The following ANKRD30B variants were observed in gnomAD, a reference collection of about 807,000 sequenced individuals.
ANKRD30B encodes ankyrin repeat domain-containing protein 30B.
In ANKRD30B, 144 loss-of-function variants were observed where a neutral mutation model predicts 202.2. The ratio of observed to expected loss-of-function variants is 0.71; its 90% CI spans 0.62 to 0.82. The LOEUF is 0.82. Among genes scored for constraint, ANKRD30B ranks in the 40% least tolerant of loss-of-function variants. The probability of loss-of-function intolerance (pLI) is 0.00; values close to 1 mark genes in which losing one functional copy is unlikely to be tolerated. For missense variants in ANKRD30B, 1,487 were observed against 1,669.1 expected, an observed-to-expected ratio of 0.89 and a Z score of 1.90; for synonymous variants, 508 against 561.3, an observed-to-expected ratio of 0.91 and a Z score of 1.34.
the ANKRD30B span, among the ~76,000 whole-genome samples, chr18:14,936,392 A>C: frequency 1.4e-4 from 21 of 151,494 alleles, no homozygotes; most frequent in East Asian, 7.8e-4. Flanking sequence ...TTGCTTCCTT[A>C]CTTCCTTCCT....
chr18:14,778,364 G>A (rs1967511884), intron 10 of ANKRD30B, among the ~76,000 whole-genome samples: 1 of 152,168 alleles, frequency 6.6e-6, no homozygotes, highest in Non-Finnish European at 1.5e-5. Flanking sequence ...AGTACATGAG[G>A]CAACAAGAAA....
chr18:14,896,463 T>C, the ANKRD30B span, among the ~76,000 whole-genome samples: 1 of 151,554 alleles, frequency 6.6e-6, no homozygotes, highest in Non-Finnish European at 1.5e-5. Flanking sequence ...AATCTAAAAA[T>C]GTTCTAAAAT....
intron 39 of ANKRD30B, among the ~76,000 whole-genome samples, chr18:14,847,050 T>TTATATGTA (rs1421555010): frequency 1.8e-5 from 2 of 111,122 alleles, no homozygotes; most frequent in African/African-American, 6.4e-5. Flanking sequence ...TGATTTAGTT[T>TTATATGTA]TATATATATA....
At position 14,852,534 on chromosome 18, in the gene ANKRD30B, C is replaced by CTA. The variant is rs1971937143; in HGVS notation, c.4476+118_4476+119dup. 10 of 1,284,816 alleles carry CTA rather than the reference C, an allele frequency of 7.8e-6. 1 individual carries two copies. Among genetic ancestry groups the CTA allele is most frequent in the African/African-American group, 6.1e-5 (4 of 65,898 alleles). The allele number at this position is 1,284,816 out of a possible 1,614,324, so 79.6% of individuals were successfully genotyped here. A position where few individuals can be genotyped will look rare whatever the true frequency, so the allele number is the denominator to read the frequency against. On this transcript the variant is annotated intron_variant, in intron 42 of 43. Coordinates refer to ENST00000690538, the MANE Select transcript of ANKRD30B (RefSeq NM_001367607.2). ...TATAAATAGATGATAAATGTACTTACTATATCAGCTTAGAAACATGCCTCA... is the reference window on the plus strand; with the variant it reads ...TATAAATAGATGATAAATGTACTTACTATATATCAGCTTAGAAACATGCCTCA...
chr18:14,929,320 C>G, the ANKRD30B span, among the ~76,000 whole-genome samples: 3 of 152,134 alleles, frequency 2.0e-5, no homozygotes, highest in East Asian at 5.8e-4. Context: ...CCCTGACACC[C>G]CTGAGAATTT....
chr18:14,876,951 CTCA>C, the ANKRD30B span, among the ~76,000 whole-genome samples: 1 of 133,034 alleles, frequency 7.5e-6, no homozygotes. Context: ...GCATTCTATT[CTCA>C]AGGTTGCTTT....
At chr18:14,826,725 AC>A (rs1970684697) in intron 32 of ANKRD30B, among the ~76,000 whole-genome samples, 1 of 150,804 alleles carries the variant, frequency 6.6e-6, no homozygotes, top group Non-Finnish European at 1.5e-5. Flanking sequence ...ACACACACAC[AC>A]AAGTACAGTA....
intron 7 of ANKRD30B, among the ~76,000 whole-genome samples, chr18:14,767,334 T>TA (rs1237097264): frequency 6.6e-6 from 1 of 152,200 alleles, no homozygotes; most frequent in Non-Finnish European, 1.5e-5. Context: ...AAACCCTATA[T>TA]ATACATGTTT....
chr18:14,831,457 T>A lies in ANKRD30B; in HGVS notation c.2847+2T>A, dbSNP rs1970935269. ...GAAGACTTTAATCTTACTACCAAGG[T>A]AAAATAGTCTCTTGTTAAATTGATT... On this transcript the variant is annotated splice_donor_variant, in intron 34 of 43. Transcript: ENST00000690538. LOFTEE classifies it high-confidence loss of function. The A allele has an allele frequency of 1.4e-6, 2 of 1,481,380 alleles. No homozygotes were observed. Among genetic ancestry groups the A allele is most frequent in the African/African-American group, 1.4e-5 (1 of 70,444 alleles). The allele number at this position is 1,481,380 out of a possible 1,614,324, so 91.8% of individuals were successfully genotyped here. A position where few individuals can be genotyped will look rare whatever the true frequency, so the allele number is the denominator to read the frequency against.
chr18:14,783,539 A>G (rs1967884991), intron 12 of ANKRD30B, among the ~76,000 whole-genome samples: 1 of 152,140 alleles, frequency 6.6e-6, no homozygotes, highest in Non-Finnish European at 1.5e-5. Context: ...TAGACTAATG[A>G]TACACCAAAT....
the ANKRD30B span, among the ~76,000 whole-genome samples, chr18:14,898,899 C>A: frequency 6.6e-6 from 1 of 152,180 alleles, no homozygotes; most frequent in Non-Finnish European, 1.5e-5. Flanking sequence ...TTGGCCCTTT[C>A]TCATACAGTA....
chr18:14,833,593 G>A (rs1234261908), intron 34 of ANKRD30B, among the ~76,000 whole-genome samples: 1 of 152,122 alleles, frequency 6.6e-6, no homozygotes, highest in Non-Finnish European at 1.5e-5. Flanking sequence ...TCTGTAGTAA[G>A]AATATTCTCG....
chr18:14,795,689 AATG>A lies in ANKRD30B; in HGVS notation c.1826-529_1826-527del, dbSNP rs1213877176. Among the ~76,000 whole-genome samples the A allele has an allele frequency of 7.9e-5, 12 of 152,312 alleles. 1 individual carries two copies. In the East Asian group the frequency reaches 2.3e-3, roughly 29 times the overall value. ...CTGATAAATTTAGAACATCCTCTGC[AATG>A]ATAAGTAAATTGTACCTTTGAATTC... On this transcript the variant is annotated intron_variant, in intron 16 of 43. Coordinates refer to ENST00000690538, the MANE Select transcript of ANKRD30B (RefSeq NM_001367607.2).
chr18:14,868,807 G>T, the ANKRD30B span, among the ~76,000 whole-genome samples: 4 of 152,284 alleles, frequency 2.6e-5, no homozygotes, highest in African/African-American at 9.6e-5. Context: ...TCTCCGGCAG[G>T]CTGATTGCTG....
intron 16 of ANKRD30B, among the ~76,000 whole-genome samples, chr18:14,792,069 CAT>C (rs1968548864): frequency 1.3e-5 from 2 of 152,296 alleles, no homozygotes; most frequent in African/African-American, 2.4e-5. Context: ...CATGGCCACA[CAT>C]GTATATAATT....
chr18:14,934,578 C>T, the ANKRD30B span, among the ~76,000 whole-genome samples: 2 of 152,070 alleles, frequency 1.3e-5, no homozygotes, highest in South Asian at 2.1e-4. Flanking sequence ...CAGGAGCCAC[C>T]GATGCATCAG....
intron 20 of ANKRD30B, among the ~76,000 whole-genome samples, chr18:14,798,656 C>G (rs748778193): frequency 4.6e-5 from 7 of 152,084 alleles, no homozygotes; most frequent in Admixed American, 4.6e-4. Context: ...CCCCTCCGTG[C>G]GTCCATTTAT....
the ANKRD30B span, among the ~76,000 whole-genome samples, chr18:14,911,874 T>C: frequency 1.6e-3 from 238 of 152,292 alleles, 3 homozygotes; most frequent in African/African-American, 5.6e-3. Flanking sequence ...TATTTTATGT[T>C]TAAAGATATT....
chr18:14,851,723 C>A lies in ANKRD30B; in HGVS notation c.3779C>A (p.Ala1260Glu), dbSNP rs762185417. 1 of 1,610,206 alleles carries A rather than the reference C, an allele frequency of 6.2e-7. No homozygotes were observed. The highest frequency in any genetic ancestry group is 2.2e-5 in the East Asian group (1 of 44,854). The change falls in exon 42 of 44, where the codon GCA (alanine) becomes GAA (glutamate). Residue 1260 changes from alanine to glutamate, a missense_variant. By Grantham distance (107) the Ala-to-Glu change is moderately radical. Transcript: ENST00000690538. ...KLKQKTVTKR[A>E]SQYREQLKVL... is the part of the protein sequence containing the mutation. ...AAACAGAAAACAGTAACAAAAAGGG[C>A]ATCTCAGTATAGAGAGCAGCTTAAA...
Sources: gnomAD v4.1 joint callset for allele counts (sites outside exome capture counted in the v4.1 genomes callset) on GRCh38, gnomAD v4.1.1 for gene constraint, MANE v1.5 for transcripts, NCBI Gene and HGNC (gene_info 2026-07-23, HGNC 2026-07-21) for gene names.